The following GABPB1 variants were observed in gnomAD, a reference collection of about 807,000 sequenced individuals.
GABPB1 encodes the protein GA-binding protein subunit beta-1.
Under a neutral mutation model 45.9 loss-of-function variants are expected in GABPB1, and 15 were observed. That is an observed-to-expected ratio of 0.33 (90% CI 0.22 to 0.50). The LOEUF (loss-of-function observed/expected upper bound fraction) is 0.50, where lower values mean the gene tolerates loss of function less well. Among genes scored for constraint, GABPB1 ranks in the 20% least tolerant of loss-of-function variants. The pLI, the probability that GABPB1 is intolerant of heterozygous loss-of-function variation, is 0.98. For synonymous variants in GABPB1, 143 were observed against 154.4 expected (o/e 0.93, Z 0.55); for missense variants, 252 against 457.5 (o/e 0.55, Z 4.10).
At chr15:50,340,923 C>CATATGGTTTATTATCATATGTA (rs1567545945) in intron 1 of GABPB1, among the ~76,000 whole-genome samples, 1 of 16,118 alleles carries the variant, frequency 6.2e-5, no homozygotes, top group African/African-American at 5.2e-4. Flanking sequence ...TGTAATATTA[C>CATATGGTTTATTATCATATGTA]ATATTACATA....
intron 1 of GABPB1, among the ~76,000 whole-genome samples, chr15:50,332,752 T>C (rs1461879893): frequency 6.6e-6 from 1 of 151,860 alleles, no homozygotes; most frequent in Non-Finnish European, 1.5e-5. Context: ...CCATAAGAGG[T>C]TTTTTTTAAA....
intron 1 of GABPB1, among the ~76,000 whole-genome samples, chr15:50,321,982 C>CAAAAAAAAAAAAAAAA (rs34649125): frequency 7.3e-6 from 1 of 136,320 alleles, no homozygotes; most frequent in Non-Finnish European, 1.6e-5. Context: ...CAGATGTGAC[C>CAAAAAAAAAAAAAAAA]AAAAAAAAAA....
chr15:50,303,927 A>G, intron 3 of GABPB1, 39 bp downstream of exon 3: 1 of 1,493,150 alleles, frequency 6.7e-7, no homozygotes, highest in Admixed American at 2.2e-5. Flanking sequence ...TAAAACCGTA[A>G]AGTATTTTAA....
intron 8 of GABPB1, among the ~76,000 whole-genome samples, chr15:50,283,112 T>G (rs2046041242): frequency 6.6e-6 from 1 of 152,108 alleles, no homozygotes; most frequent in East Asian, 1.9e-4. Context: ...AAAGAAAACA[T>G]AAAGGTATTT....
rs372042288 is a variant in GABPB1, at chr15:50,350,059, T to C, written c.-1+4926A>G. The C allele has an allele frequency of 5.3e-5, 8 of 152,236 alleles. No individual in the cohort carries two copies. The East Asian group carries it at 1.2e-3, about 22-fold the overall frequency. 9.4% of individuals were successfully genotyped at this position (152,236 alleles called of 1,614,324 possible). A position where few individuals can be genotyped will look rare whatever the true frequency, so the allele number is the denominator to read the frequency against. On this transcript the variant is annotated intron_variant, in intron 1 of 8. Transcript: ENST00000380877. The stretch of plus-strand genomic sequence containing the variant: ...TTCATGTCTTTATATTATTCTATCA[T>C]CATTTTCATGGCTGAGAAGGCAGTA...
chr15:50,321,810 C>A (rs1389242240), intron 1 of GABPB1, among the ~76,000 whole-genome samples: 2 of 152,020 alleles, frequency 1.3e-5, no homozygotes, highest in Middle Eastern at 3.2e-3. Flanking sequence ...ATAATGTTTG[C>A]CTTTTTTAAA....
chr15:50,344,337 A>G (rs1293392643), intron 1 of GABPB1, among the ~76,000 whole-genome samples: 1 of 152,246 alleles, frequency 6.6e-6, no homozygotes, highest in East Asian at 1.9e-4. Context: ...ACATTTATTC[A>G]GCAAGGTTCA....
intron 1 of GABPB1, among the ~76,000 whole-genome samples, chr15:50,321,645 C>T (rs1225612798): frequency 2.0e-5 from 3 of 149,074 alleles, no homozygotes; most frequent in Non-Finnish European, 4.4e-5. Flanking sequence ...GAGGTTGCAG[C>T]GAGCCGAGAT....
chr15:50,351,767 T>G (rs1245998201), intron 1 of GABPB1: 1 of 152,080 alleles, frequency 6.6e-6, no homozygotes, highest in African/African-American at 2.4e-5. Context: ...TAGAGCACTG[T>G]GATGTCAACA....
At chr15:50,315,752 T>C (rs1228781625) in intron 1 of GABPB1, among the ~76,000 whole-genome samples, 1 of 152,172 alleles carries the variant, frequency 6.6e-6, no homozygotes, top group Non-Finnish European at 1.5e-5. Context: ...CCAGGTCAAG[T>C]CACTAATTTA....
intron 2 of GABPB1, 138 bp downstream of exon 2, chr15:50,309,553 T>C (rs1327891270): frequency 3.4e-6 from 2 of 595,658 alleles, no homozygotes; most frequent in South Asian, 2.3e-5. Flanking sequence ...AGGACAGTTA[T>C]AATTCTAAAA....
intron 1 of GABPB1, among the ~76,000 whole-genome samples, chr15:50,325,611 A>G (rs971261503): frequency 6.6e-6 from 1 of 151,842 alleles, no homozygotes; most frequent in African/African-American, 2.4e-5. Flanking sequence ...GGCTCACTGC[A>G]AGCTCCGCCT....
chr15:50,284,744 A>G (rs980099717), intron 8 of GABPB1, among the ~76,000 whole-genome samples: 7 of 152,322 alleles, frequency 4.6e-5, no homozygotes, highest in African/African-American at 1.7e-4. Context: ...AGCGAAGTAC[A>G]TGACAATTTT....
intron 1 of GABPB1, among the ~76,000 whole-genome samples, chr15:50,325,826 C>T (rs1346483340): frequency 4.6e-5 from 7 of 151,864 alleles, no homozygotes; most frequent in Non-Finnish European, 8.8e-5. Flanking sequence ...CCACTGCGCC[C>T]GGCCTGGTCA....
intron 1 of GABPB1, among the ~76,000 whole-genome samples, chr15:50,343,450 C>A (rs1470519254): frequency 6.6e-6 from 1 of 152,202 alleles, no homozygotes; most frequent in Non-Finnish European, 1.5e-5. Context: ...CACTTAGATA[C>A]TGTATGGCTT....
At chr15:50,285,232 C>A (rs986407367) in intron 8 of GABPB1, among the ~76,000 whole-genome samples, 28 of 152,014 alleles carry the variant, frequency 1.8e-4, no homozygotes, top group Non-Finnish European at 4.0e-4. Context: ...CTCACAAAAA[C>A]CCGAAAATGG....
intron 1 of GABPB1, among the ~76,000 whole-genome samples, chr15:50,342,824 G>A (rs999692088): frequency 1.3e-5 from 2 of 152,198 alleles, no homozygotes; most frequent in Non-Finnish European, 2.9e-5. Flanking sequence ...TGTTAGATAG[G>A]TTTCAAGGTT....
At chr15:50,342,992 C>T (rs910003194) in intron 1 of GABPB1, among the ~76,000 whole-genome samples, 3 of 152,144 alleles carry the variant, frequency 2.0e-5, no homozygotes, top group African/African-American at 7.2e-5. Flanking sequence ...GTCCGCCTCC[C>T]GGGTTCACGC....
At chr15:50,325,597 T>C (rs2047726016) in intron 1 of GABPB1, among the ~76,000 whole-genome samples, 1 of 152,094 alleles carries the variant, frequency 6.6e-6, no homozygotes, top group South Asian at 2.1e-4. Context: ...AGTGGCACGA[T>C]CTTGGCTCAC....
Sources: allele counts gnomAD v4.1 joint callset (sites outside exome capture counted in the v4.1 genomes callset), GRCh38; gene constraint gnomAD v4.1.1; transcripts MANE v1.5; gene names NCBI Gene and HGNC (gene_info 2026-07-23, HGNC 2026-07-21).